The following PLEKHA8 variants were observed in gnomAD, a reference collection of about 807,000 sequenced individuals.
PLEKHA8 encodes the protein pleckstrin homology domain containing A8.
In PLEKHA8, 36 loss-of-function variants were observed where a neutral mutation model predicts 68.2. That is an observed-to-expected ratio of 0.53 (90% CI 0.40 to 0.70). The LOEUF (loss-of-function observed/expected upper bound fraction) is 0.70. PLEKHA8 is among the 30% of genes least tolerant of loss of function. The pLI, the probability that PLEKHA8 is intolerant of heterozygous loss-of-function variation, is 0.00. For missense variants in PLEKHA8, 505 were observed against 615.4 expected, an observed-to-expected ratio of 0.82 and a Z score of 1.90; for synonymous variants, 211 against 216.1, an observed-to-expected ratio of 0.98 and a Z score of 0.20.
At chr7:30,052,017 A>G (rs1227364133) in intron 6 of PLEKHA8, among the ~76,000 whole-genome samples, 8 of 152,158 alleles carry the variant, frequency 5.3e-5, no homozygotes, top group Non-Finnish European at 1.0e-4. Flanking sequence ...CCGGGCAAAC[A>G]CAGAGAAATG....
chr7:30,052,640 CAAAAAAAAA>C (rs75714651), intron 6 of PLEKHA8, 60 bp from the exon 7 acceptor site: 39,132 of 1,066,806 alleles, frequency 0.037, 448 homozygotes, highest in Non-Finnish European at 0.041. Context: ...GACCCTGTTT[CAAAAAAAAA>C]AAAAAAAAAA....
At chr7:30,060,753 G>A in intron 9 of PLEKHA8, 131 bp from the exon 10 acceptor site, 2 of 702,774 alleles carry the variant, frequency 2.8e-6, no homozygotes, top group East Asian at 2.9e-5. Flanking sequence ...TGAAGATTAT[G>A]TTTAGATAAA....
At chr7:30,076,017 A>G (rs1349586663) in intron 13 of PLEKHA8, among the ~76,000 whole-genome samples, 1 of 151,788 alleles carries the variant, frequency 6.6e-6, no homozygotes, top group Non-Finnish European at 1.5e-5. Context: ...TAGCTTTTTA[A>G]TTTACATATT....
At chr7:30,101,152 A>C (rs1387639301) in intron 13 of PLEKHA8, among the ~76,000 whole-genome samples, 2 of 151,854 alleles carry the variant, frequency 1.3e-5, no homozygotes, top group African/African-American at 4.8e-5. Flanking sequence ...ATTGCACTCC[A>C]GCCTGGGCAA....
At chr7:30,117,145 G>T (rs1355176191) in intron 13 of PLEKHA8, among the ~76,000 whole-genome samples, 1 of 152,196 alleles carries the variant, frequency 6.6e-6, no homozygotes, top group African/African-American at 2.4e-5. Context: ...CAGGGTCAAG[G>T]ATAGAAAGCA....
downstream of PLEKHA8, among the ~76,000 whole-genome samples, chr7:30,090,910 C>T (rs991921688): frequency 1.3e-5 from 2 of 152,264 alleles, no homozygotes; most frequent in Admixed American, 6.5e-5. Flanking sequence ...CCTGTAATCC[C>T]AGTGCTTTGG....
rs753933368 is a variant in PLEKHA8 at position 30,079,382 on chromosome 7, C to G, written c.*595C>G. 2.3e-4 allele frequency: 224 copies of G among 985,742 alleles called. 2 individuals carry two copies. The highest frequency in any genetic ancestry group is 6.1e-5 in the Admixed American group (1 of 16,296). 61.1% of individuals were successfully genotyped at this position (985,742 alleles called of 1,614,324 possible). A position where few individuals can be genotyped will look rare whatever the true frequency, so the allele number is the denominator to read the frequency against. ...AGGCGAAGAAGACGTGGACAGGAGT[C>G]CCATCCTTGCTGACAGGCATGAAAC... On this transcript the variant is annotated 3_prime_UTR_variant, in exon 14 of 14. Transcript: ENST00000449726.
chr7:30,122,924 G>A (rs1022584052), intron 13 of PLEKHA8, among the ~76,000 whole-genome samples: 2 of 152,168 alleles, frequency 1.3e-5, no homozygotes, highest in African/African-American at 2.4e-5. Flanking sequence ...AGTAGTTCCT[G>A]GTAGTTTTCT....
At chr7:30,056,360 C>CAT (rs1198841144) in intron 9 of PLEKHA8, among the ~76,000 whole-genome samples, 2,044 of 122,200 alleles carry the variant, frequency 0.017, 84 homozygotes, top group African/African-American at 0.06. Context: ...ATATATAACA[C>CAT]ATATATATAT....
In PLEKHA8 at chr7:30,080,685, T is replaced by G; in HGVS notation, c.*1898T>G. 3 of 985,254 alleles carry G rather than the reference T, an allele frequency of 3.0e-6. No homozygotes were observed. Among genetic ancestry groups the G allele is most frequent in the Non-Finnish European group, 3.6e-6 (3 of 829,870 alleles). 61.0% of individuals were successfully genotyped at this position (985,254 alleles called of 1,614,324 possible). A position where few individuals can be genotyped will look rare whatever the true frequency, so the allele number is the denominator to read the frequency against. Reference sequence around the variant, plus strand: ...GGGAGAAAGAAGGGGGGTATTAAAATGATGTTGATTATTTTGTATTTTGCC... The same window carrying G: ...GGGAGAAAGAAGGGGGGTATTAAAAGGATGTTGATTATTTTGTATTTTGCC... On this transcript the variant is annotated 3_prime_UTR_variant, in exon 14 of 14. Transcript: ENST00000449726.
At chr7:30,092,254 G>A (rs1435899894), downstream of PLEKHA8, among the ~76,000 whole-genome samples, 1 of 152,160 alleles carries the variant, frequency 6.6e-6, no homozygotes, top group Non-Finnish European at 1.5e-5. Flanking sequence ...AAAAACGGTG[G>A]TGGTAATAAT....
At chr7:30,102,557 G>T (rs975673307) in intron 13 of PLEKHA8, among the ~76,000 whole-genome samples, 1 of 152,202 alleles carries the variant, frequency 6.6e-6, no homozygotes, top group Non-Finnish European at 1.5e-5. Context: ...TAAACAAAAT[G>T]TGGTATATAC....
At chr7:30,096,792 G>A (rs1312984705) in intron 13 of PLEKHA8, among the ~76,000 whole-genome samples, 3 of 152,176 alleles carry the variant, frequency 2.0e-5, no homozygotes, top group African/African-American at 7.2e-5. Context: ...TTACCAGTCT[G>A]TGTCTTTTAA....
intron 7 of PLEKHA8, among the ~76,000 whole-genome samples, chr7:30,053,376 A>T (rs1313257231): frequency 6.6e-6 from 1 of 152,242 alleles, no homozygotes; most frequent in Non-Finnish European, 1.5e-5. Flanking sequence ...ACTGAAATCT[A>T]CTTTAGATCA....
chr7:30,082,934 A>G lies in PLEKHA8; in HGVS notation c.*4147A>G, dbSNP rs890047347. Reference sequence around the variant, plus strand: ...TGTCCTACAAGAACTTGGTTATATAATGGTGCGTCTCTGAATCACTGATTA... The same window carrying G: ...TGTCCTACAAGAACTTGGTTATATAGTGGTGCGTCTCTGAATCACTGATTA... On this transcript the variant is annotated 3_prime_UTR_variant, in exon 14 of 14. Coordinates refer to ENST00000449726, the MANE Select transcript of PLEKHA8 (RefSeq NM_001197026.2). 3.0e-6 allele frequency: 3 copies of G among 985,256 alleles called. No homozygotes were observed. The highest frequency in any genetic ancestry group is 3.6e-6 in the Non-Finnish European group (3 of 829,908). The allele number at this position is 985,256 out of a possible 1,614,324, so 61.0% of individuals were successfully genotyped here. A position where few individuals can be genotyped will look rare whatever the true frequency, so the allele number is the denominator to read the frequency against.
chr7:30,101,895 TA>T (rs769501293), intron 13 of PLEKHA8, among the ~76,000 whole-genome samples: 54 of 152,220 alleles, frequency 3.5e-4, no homozygotes, highest in Admixed American at 2.3e-3. Context: ...GATATGACAC[TA>T]AAAGCATGAA....
intron 1 of PLEKHA8, among the ~76,000 whole-genome samples, chr7:30,029,178 A>G (rs1166279057): frequency 6.6e-6 from 1 of 152,228 alleles, no homozygotes; most frequent in Non-Finnish European, 1.5e-5. Context: ...CTTGGCTCGC[A>G]GCTAGGTTGG....
chr7:30,062,083 C>A, intron 11 of PLEKHA8, 56 bp downstream of exon 11: 4 of 1,550,600 alleles, frequency 2.6e-6, no homozygotes, highest in Admixed American at 2.1e-5. Context: ...AAATTACCAG[C>A]AAAAAAAATT....
intron 1 of PLEKHA8, among the ~76,000 whole-genome samples, chr7:30,036,549 T>C: frequency 6.6e-6 from 1 of 152,168 alleles, no homozygotes; most frequent in East Asian, 1.9e-4. Context: ...ACTTAAACCA[T>C]GGTTTCCTCA....
Sources: allele counts gnomAD v4.1 joint callset (sites outside exome capture counted in the v4.1 genomes callset), GRCh38; gene constraint gnomAD v4.1.1; transcripts MANE v1.5; gene names NCBI Gene and HGNC (gene_info 2026-07-23, HGNC 2026-07-21).